PAPOLA: variants seen among roughly 807,000 people sequenced by gnomAD.
PAPOLA encodes polynucleotide adenylyltransferase alpha.
PAPOLA carries 15 observed loss-of-function variants against 100.6 expected under a neutral mutation model. The ratio of observed to expected loss-of-function variants is 0.15; its 90% confidence interval spans 0.10 to 0.23. The LOEUF (loss-of-function observed/expected upper bound fraction) is 0.23. Ranked by LOEUF, PAPOLA falls within the 10% of genes least tolerant of loss-of-function variation. PAPOLA has a pLI of 1.00. For missense variants in PAPOLA, 533 were observed against 884.2 expected (o/e 0.60, Z 5.04); for synonymous variants, 293 against 300.0 (o/e 0.98, Z 0.24).
chr14:96,549,501 G>T (rs1353559951), intron 16 of PAPOLA, among the ~76,000 whole-genome samples: 1 of 152,100 alleles, frequency 6.6e-6, no homozygotes, highest in African/African-American at 2.4e-5. Context: ...GCCTGCCTCA[G>T]CCTTCCAAAG....
intron 10 of PAPOLA, chr14:96,535,247 T>C: frequency 1.1e-6 from 1 of 924,914 alleles, no homozygotes; most frequent in Non-Finnish European, 1.3e-6. Context: ...TTTTAAATTC[T>C]GTTGAATTAC....
intron 1 of PAPOLA, among the ~76,000 whole-genome samples, chr14:96,506,085 G>A (rs546705895): frequency 1.3e-5 from 2 of 152,196 alleles, no homozygotes; most frequent in African/African-American, 4.8e-5. Context: ...TGTATTTTTA[G>A]TAGAGACGAG....
intron 12 of PAPOLA, among the ~76,000 whole-genome samples, chr14:96,540,255 G>A (rs918492213): frequency 6.6e-6 from 1 of 152,156 alleles, no homozygotes; most frequent in African/African-American, 2.4e-5. Flanking sequence ...ATAATGTGTT[G>A]TAAGAGTGAT....
chr14:96,545,088 TC>T (rs1245759182), intron 15 of PAPOLA, among the ~76,000 whole-genome samples: 1 of 152,052 alleles, frequency 6.6e-6, no homozygotes, highest in Non-Finnish European at 1.5e-5. Flanking sequence ...ACTGTCCTTC[TC>T]TCCCCATTTA....
chr14:96,543,043 A>G, intron 14 of PAPOLA, 150 bp downstream of exon 14: 1 of 786,270 alleles, frequency 1.3e-6, no homozygotes, highest in Non-Finnish European at 2.0e-6. Context: ...GTTTTTCCTG[A>G]TCAGAAACAT....
chr14:96,527,871 A>G, intron 5 of PAPOLA, 82 bp from the exon 6 acceptor site: 3 of 895,908 alleles, frequency 3.3e-6, no homozygotes, highest in Non-Finnish European at 5.7e-6. Context: ...TTTTTGTGTC[A>G]GGTGTTTTGC....
intron 1 of PAPOLA, among the ~76,000 whole-genome samples, chr14:96,503,864 C>A (rs180880147): frequency 1.3e-5 from 2 of 152,086 alleles, no homozygotes; most frequent in East Asian, 3.8e-4. Context: ...TGGCACAGAC[C>A]TTAATGACTT....
chr14:96,549,631 A>G (rs1438934608), intron 16 of PAPOLA, among the ~76,000 whole-genome samples: 1 of 152,200 alleles, frequency 6.6e-6, no homozygotes, highest in Non-Finnish European at 1.5e-5. Context: ...TTCTCAATGT[A>G]CTATTTATAC....
At position 96,525,331 on chromosome 14, in the gene PAPOLA, GA is replaced by G; in HGVS notation, c.275del (p.Asn92MetfsTer14). On this transcript the variant is annotated frameshift_variant, in exon 4 of 22. Transcript: ENST00000216277. LOFTEE classifies it high-confidence loss of function. ...ACAGAATCTTCCACAATCTGTAATT[GA>G]AAATGTTGGAGGAAAAATTTTTACA... ...ESKNLPQSVIENVGGKIFTFG... is the reference protein window; with the variant it reads ...ESKNLPQSVIXNVGGKIFTFG... 1 of 1,517,520 alleles carries G rather than the reference GA, an allele frequency of 6.6e-7. No individual in the cohort carries two copies. The highest frequency in any genetic ancestry group is 9.1e-7 in the Non-Finnish European group (1 of 1,102,476). The allele number at this position is 1,517,520 out of a possible 1,614,324, so 94.0% of individuals were successfully genotyped here.
chr14:96,542,194 C>A, intron 12 of PAPOLA, 49 bp from the exon 13 acceptor site: 2 of 1,178,130 alleles, frequency 1.7e-6, no homozygotes, highest in South Asian at 1.3e-5. Flanking sequence ...TAATATCCAG[C>A]ACAAAGCGTG....
intron 15 of PAPOLA, among the ~76,000 whole-genome samples, chr14:96,546,034 A>T (rs1408406135): frequency 6.6e-6 from 1 of 152,078 alleles, no homozygotes; most frequent in Non-Finnish European, 1.5e-5. Context: ...ATATTGAAAC[A>T]CTTTAATCCA....
chr14:96,547,663 T>C (rs1900495628), intron 15 of PAPOLA, 134 bp from the exon 16 acceptor site: 2 of 596,274 alleles, frequency 3.4e-6, no homozygotes, highest in African/African-American at 1.9e-5. Context: ...AGATTAGGAA[T>C]AGGTCTTGAC....
At chr14:96,503,870 G>T (rs919988083) in intron 1 of PAPOLA, among the ~76,000 whole-genome samples, 1 of 152,110 alleles carries the variant, frequency 6.6e-6, no homozygotes, top group African/African-American at 2.4e-5. Flanking sequence ...AGACCTTAAT[G>T]ACTTCTATCG....
At chr14:96,549,226 G>T (rs138374321) in intron 16 of PAPOLA, among the ~76,000 whole-genome samples, 4 of 151,924 alleles carry the variant, frequency 2.6e-5, no homozygotes, top group Non-Finnish European at 1.5e-5. Flanking sequence ...CAGTTTTTAA[G>T]GTTTAAACAT....
At chr14:96,516,524 A>C (rs1011217806) in intron 1 of PAPOLA, among the ~76,000 whole-genome samples, 1 of 151,732 alleles carries the variant, frequency 6.6e-6, no homozygotes, top group African/African-American at 2.4e-5. Context: ...TTTCATAGAG[A>C]TGGGTGTCTT....
At chr14:96,543,931 A>T (rs969460611) in intron 14 of PAPOLA, among the ~76,000 whole-genome samples, 1 of 152,108 alleles carries the variant, frequency 6.6e-6, no homozygotes, top group Non-Finnish European at 1.5e-5. Flanking sequence ...CACAGTTAGT[A>T]AGAGTATATT....
rs1595510149 is a variant in PAPOLA at position 96,520,072 on chromosome 14, G to A, written c.26G>A (p.Gly9Glu). 1.2e-6 allele frequency: 2 copies of A among 1,611,842 alleles called. No homozygotes were observed. The highest frequency in any genetic ancestry group is 1.7e-6 in the Non-Finnish European group (2 of 1,179,218). Reference protein sequence around the residue: MPFPVTTQGSQQTQPPQKH... With the variant: MPFPVTTQESQQTQPPQKH... ...GTTTATAGTCCAGTTACAACACAGG[G>A]ATCACAACAAACACAACCGCCACAG... is the stretch of plus-strand genomic sequence containing the variant. Residue 9 changes from glycine (G) to glutamate (E), a missense_variant, in exon 2 of 22, where the codon GGA (glycine) becomes GAA (glutamate). Coordinates refer to ENST00000216277, the MANE Select transcript of PAPOLA (RefSeq NM_032632.5).
At chr14:96,531,237 G>A (rs1368319316) in intron 6 of PAPOLA, among the ~76,000 whole-genome samples, 3 of 151,852 alleles carry the variant, frequency 2.0e-5, no homozygotes, top group Non-Finnish European at 4.4e-5. Flanking sequence ...TCCTGACCTC[G>A]TGATCCGCCT....
intron 1 of PAPOLA, among the ~76,000 whole-genome samples, chr14:96,508,617 A>C (rs1434092560): frequency 6.6e-6 from 1 of 152,188 alleles, no homozygotes; most frequent in Non-Finnish European, 1.5e-5. Context: ...AACTAAGTCA[A>C]CTTTAGGTTA....
Sources: gnomAD v4.1 joint callset for allele counts (sites outside exome capture counted in the v4.1 genomes callset) on GRCh38, gnomAD v4.1.1 for gene constraint, MANE v1.5 for transcripts, NCBI Gene and HGNC (gene_info 2026-07-23, HGNC 2026-07-21) for gene names.